PLEKHA5: variants seen among roughly 807,000 people sequenced by gnomAD.
The protein encoded by PLEKHA5 is pleckstrin homology domain containing A5, also known as pleckstrin homology domain-containing family A member 5.
A neutral mutation model predicts 181.9 loss-of-function variants in PLEKHA5; 55 were observed. The observed-to-expected ratio is 0.30, with a 90% confidence interval of 0.24 to 0.38. PLEKHA5 has a LOEUF of 0.38. Among genes scored for constraint, PLEKHA5 ranks in the 10% least tolerant of loss-of-function variants. The pLI is 1.00. For missense variants in PLEKHA5, 1,432 were observed against 1,549.5 expected, an observed-to-expected ratio of 0.92 and a Z score of 1.27; for synonymous variants, 535 against 529.4, an observed-to-expected ratio of 1.01 and a Z score of -0.15.
intron 31 of PLEKHA5, among the ~76,000 whole-genome samples, chr12:19,374,220 A>T (rs1328850612): frequency 6.6e-6 from 1 of 150,662 alleles, no homozygotes; most frequent in East Asian, 1.9e-4. Flanking sequence ...GATCTTTTGG[A>T]TTCAGCTACG....
intron 20 of PLEKHA5, among the ~76,000 whole-genome samples, chr12:19,334,183 G>A (rs556180704): frequency 6.6e-6 from 1 of 152,110 alleles, no homozygotes; most frequent in East Asian, 1.9e-4. Flanking sequence ...TCCTTTCCTC[G>A]CTGTCCTCTG....
chr12:19,246,005 G>A (rs2063654267), intron 3 of PLEKHA5, among the ~76,000 whole-genome samples: 1 of 145,426 alleles, frequency 6.9e-6, no homozygotes, highest in African/African-American at 2.5e-5. Context: ...TTTTGACAGA[G>A]TCTCACTCTG....
chr12:19,327,876 C>T (rs1417811864), intron 20 of PLEKHA5, among the ~76,000 whole-genome samples: 2 of 152,088 alleles, frequency 1.3e-5, no homozygotes, highest in Non-Finnish European at 2.9e-5. Flanking sequence ...AACTCCAAGC[C>T]TCATGTGATC....
chr12:19,173,841 T>A (rs2046580135), intron 3 of PLEKHA5, among the ~76,000 whole-genome samples: 1 of 152,194 alleles, frequency 6.6e-6, no homozygotes. Flanking sequence ...ATGTTAGTAG[T>A]GATAAAAAAT....
intron 11 of PLEKHA5, among the ~76,000 whole-genome samples, chr12:19,277,243 C>T (rs1355992138): frequency 6.6e-6 from 1 of 152,100 alleles, no homozygotes; most frequent in South Asian, 2.1e-4. Flanking sequence ...AAGATTGGTG[C>T]GTCTCTGCTC....
chr12:19,251,319 AT>A lies in PLEKHA5; in HGVS notation c.228-2620del, dbSNP rs1352185766. On this transcript the variant is annotated intron_variant, in intron 3 of 31. Coordinates refer to ENST00000429027, the MANE Select transcript of PLEKHA5 (RefSeq NM_001256470.2). Reference sequence around the variant, plus strand: ...TAACTTGGGAGGCTGAGGCAGGAGGATCCTTTGAACCCAGGAGGCAGAGGTT... The same window carrying A: ...TAACTTGGGAGGCTGAGGCAGGAGGACCTTTGAACCCAGGAGGCAGAGGTT... Among the ~76,000 whole-genome samples, 9 of 151,608 alleles carry A rather than the reference AT, an allele frequency of 5.9e-5. No individual in the cohort carries two copies. The South Asian group carries it at 1.9e-3, about 32-fold the overall frequency.
At chr12:19,299,074 C>A (rs967401166) in intron 15 of PLEKHA5, among the ~76,000 whole-genome samples, 1 of 152,204 alleles carries the variant, frequency 6.6e-6, no homozygotes, top group African/African-American at 2.4e-5. Flanking sequence ...TCCTTGGCAT[C>A]CTGCCTGCCT....
intron 3 of PLEKHA5, among the ~76,000 whole-genome samples, chr12:19,137,400 C>T (rs935216729): frequency 1.3e-5 from 2 of 152,104 alleles, no homozygotes; most frequent in African/African-American, 4.8e-5. Flanking sequence ...CTTTAGAACA[C>T]TTTGTGGGCA....
intron 3 of PLEKHA5, among the ~76,000 whole-genome samples, chr12:19,180,474 G>A (rs1281303970): frequency 6.6e-6 from 1 of 152,114 alleles, no homozygotes; most frequent in Non-Finnish European, 1.5e-5. Flanking sequence ...TTGAATCCAG[G>A]AAGTTCTAAA....
At chr12:19,172,810 A>G (rs1191601029) in intron 3 of PLEKHA5, among the ~76,000 whole-genome samples, 1 of 152,114 alleles carries the variant, frequency 6.6e-6, no homozygotes, top group African/African-American at 2.4e-5. Flanking sequence ...TGGCAGAGCC[A>G]GGAAAATAAC....
At chr12:19,220,733 T>C (rs2058817308) in intron 3 of PLEKHA5, among the ~76,000 whole-genome samples, 1 of 152,224 alleles carries the variant, frequency 6.6e-6, no homozygotes, top group Non-Finnish European at 1.5e-5. Context: ...TTGAAATTTA[T>C]TTGTAATCTA....
chr12:19,347,195 AATAGCCAC>A lies in PLEKHA5; in HGVS notation c.2898+15_2898+22del. 6.9e-7 allele frequency: 1 copy of A among 1,439,530 alleles called. No homozygotes were observed. The highest frequency in any genetic ancestry group is 9.5e-7 in the Non-Finnish European group (1 of 1,050,018). The allele number at this position is 1,439,530 out of a possible 1,614,324, so 89.2% of individuals were successfully genotyped here. A position where few individuals can be genotyped will look rare whatever the true frequency, so the allele number is the denominator to read the frequency against. ...TGGATCTCACTGTGTAAGTGGCTGG[AATAGCCAC>A]AGAATAATCAATCCTACATGTCCTC... On this transcript the variant is annotated intron_variant, in intron 24 of 31. Coordinates refer to ENST00000429027, the MANE Select transcript of PLEKHA5 (RefSeq NM_001256470.2).
chr12:19,154,125 C>T lies in PLEKHA5; in HGVS notation c.227+21675C>T, dbSNP rs60945417. On this transcript the variant is annotated intron_variant, in intron 3 of 31. Coordinates refer to ENST00000429027, the MANE Select transcript of PLEKHA5 (RefSeq NM_001256470.2). ...GCCAACATTTTTATCATGAGGGGACCTCCACCTCCGGTAGTACTTGTGCCT... is the reference window on the plus strand; with the variant it reads ...GCCAACATTTTTATCATGAGGGGACTTCCACCTCCGGTAGTACTTGTGCCT... The T allele has an allele frequency of 3.1e-3, 469 of 152,218 alleles. 4 individuals carry two copies. The highest frequency in any genetic ancestry group is 0.011 in the African/African-American group (442 of 41,544). 9.4% of individuals were successfully genotyped at this position (152,218 alleles called of 1,614,324 possible).
chr12:19,274,833 G>C lies in PLEKHA5; in HGVS notation c.1163G>C (p.Ser388Thr). 1 of 1,614,174 alleles carries C rather than the reference G, an allele frequency of 6.2e-7. No homozygotes were observed. Among genetic ancestry groups the C allele is most frequent in the Non-Finnish European group, 8.5e-7 (1 of 1,180,040 alleles). ...SSSENKIVNV[S>T]LADLRGGNRP... Reference sequence around the variant, plus strand: ...TCAGAGAACAAAATAGTCAATGTTAGCCTGGCAGATCTTAGAGGTGGAAAT... The same window carrying C: ...TCAGAGAACAAAATAGTCAATGTTACCCTGGCAGATCTTAGAGGTGGAAAT... The change falls in exon 11 of 32, where the codon AGC becomes ACC. Residue 388 changes from serine (S) to threonine (T), a missense_variant. By Grantham distance (58) the Ser-to-Thr change is moderately conservative. Around this residue, in one of 2 missense-constraint regions of PLEKHA5, gnomAD observed 1,143 missense variants for 1,168.4 expected, o/e 0.98. Transcript: ENST00000429027.
At chr12:19,135,896 T>C (rs2035484038) in intron 3 of PLEKHA5, among the ~76,000 whole-genome samples, 1 of 151,752 alleles carries the variant, frequency 6.6e-6, no homozygotes, top group South Asian at 2.1e-4. Context: ...TTTTTTTTTT[T>C]TTGAGGGGGG....
intron 3 of PLEKHA5, among the ~76,000 whole-genome samples, chr12:19,252,414 T>C (rs2152532720): frequency 6.6e-6 from 1 of 152,300 alleles, no homozygotes; most frequent in East Asian, 1.9e-4. Context: ...TTATGGTATA[T>C]GACTTAATGA....
At chr12:19,205,739 C>A (rs886824322) in intron 3 of PLEKHA5, among the ~76,000 whole-genome samples, 2 of 151,890 alleles carry the variant, frequency 1.3e-5, no homozygotes, top group South Asian at 4.1e-4. Context: ...AATTATGTGC[C>A]GAGATACTTC....
intron 6 of PLEKHA5, among the ~76,000 whole-genome samples, chr12:19,260,019 C>T (rs2067994113): frequency 6.6e-6 from 1 of 151,458 alleles, no homozygotes; most frequent in South Asian, 2.1e-4. Context: ...AATTTTGCTA[C>T]ATTGCATATG....
At chr12:19,196,052 G>C (rs1300689863) in intron 3 of PLEKHA5, among the ~76,000 whole-genome samples, 1 of 152,046 alleles carries the variant, frequency 6.6e-6, no homozygotes, top group Non-Finnish European at 1.5e-5. Context: ...TTTTCAAAAA[G>C]CAATAGTTAT....
Sources: allele counts gnomAD v4.1 joint callset (sites outside exome capture counted in the v4.1 genomes callset), GRCh38; gene constraint gnomAD v4.1.1; regional missense constraint gnomAD v4.1.1; transcripts MANE v1.5; gene names NCBI Gene and HGNC (gene_info 2026-07-23, HGNC 2026-07-21).